Variants in RPGRIP1 observed in about 807,000 individuals in gnomAD.
The protein encoded by RPGRIP1 is RPGR interacting protein 1, also known as X-linked retinitis pigmentosa GTPase regulator-interacting protein 1.
Under a neutral mutation model 157.9 loss-of-function variants are expected in RPGRIP1, and 128 were observed. The ratio of observed to expected loss-of-function variants is 0.81; its 90% CI spans 0.70 to 0.94. The LOEUF is 0.94. RPGRIP1 is among the 40% of genes least tolerant of loss of function. The pLI is 0.00. For synonymous variants in RPGRIP1, 554 were observed against 571.6 expected (o/e 0.97, Z 0.44); for missense variants, 1,486 against 1,545.8 (o/e 0.96, Z 0.65).
At chr14:21,333,904 G>A (rs921828048) in intron 20 of RPGRIP1, among the ~76,000 whole-genome samples, 2 of 151,428 alleles carry the variant, frequency 1.3e-5, no homozygotes, top group East Asian at 1.9e-4. Context: ...GCTGAGATAG[G>A]AGAGACCATT....
At chr14:21,329,740 C>A (rs1883524774) in intron 19 of RPGRIP1, among the ~76,000 whole-genome samples, 1 of 151,212 alleles carries the variant, frequency 6.6e-6, no homozygotes, top group Non-Finnish European at 1.5e-5. Context: ...AGGTGATCCG[C>A]CTGCCTCAGC....
rs539083010 is a variant in RPGRIP1, at chr14:21,306,112, CTTTTTTTTTTTTTTTTTTTTTTTT to C, written c.801-1605_801-1582del. Among the ~76,000 whole-genome samples, 408 of 44,836 alleles carry C rather than the reference CTTTTTTTTTTTTTTTTTTTTTTTT, an allele frequency of 9.1e-3. 3 individuals carry two copies. Among genetic ancestry groups the C allele is most frequent in the African/African-American group, 0.034 (381 of 11,222 alleles). The allele number at this position is 44,836 out of a possible 152,430, so 29.4% of individuals were successfully genotyped here. A position where few individuals can be genotyped will look rare whatever the true frequency, so the allele number is the denominator to read the frequency against. On this transcript the variant is annotated intron_variant, in intron 6 of 24. Transcript: ENST00000400017. ...AGCTCCTAGGTTCAGGAATAATAGT[CTTTTTTTTTTTTTTTTTTTTTTTT>C]TTTTTTTTTTTTTGAGACAGAGTCT... is the stretch of plus-strand genomic sequence containing the variant.
At chr14:21,288,488 C>T (rs1475865441) in intron 2 of RPGRIP1, among the ~76,000 whole-genome samples, 2 of 149,484 alleles carry the variant, frequency 1.3e-5, no homozygotes, top group African/African-American at 4.9e-5. Flanking sequence ...GCCCTCTTCT[C>T]ACATTTTATT....
rs553663198 is a variant in RPGRIP1, at chr14:21,296,909, G to C, written c.218+2100G>C. Reference sequence around the variant, plus strand: ...AGAGGTTGCAGTGAGCCGAAATTGTGCCATTGCACTCCAGCCTGGGCGACA... The same window carrying C: ...AGAGGTTGCAGTGAGCCGAAATTGTCCCATTGCACTCCAGCCTGGGCGACA... On this transcript the variant is annotated intron_variant, in intron 3 of 24. Coordinates refer to ENST00000400017, the MANE Select transcript of RPGRIP1 (RefSeq NM_020366.4). 2.1e-4 allele frequency among the ~76,000 whole-genome samples: 32 copies of C among 149,558 alleles called. 1 individual carries two copies. The highest frequency in any genetic ancestry group is 7.9e-4 in the African/African-American group (32 of 40,594).
chr14:21,284,188 T>A (rs1880225407), intron 1 of RPGRIP1, among the ~76,000 whole-genome samples: 1 of 152,190 alleles, frequency 6.6e-6, no homozygotes, highest in Non-Finnish European at 1.5e-5. Context: ...GTGATAGAAT[T>A]TCTCCATTAT....
At chr14:21,301,787 A>G (rs1488270031) in intron 4 of RPGRIP1, among the ~76,000 whole-genome samples, 1 of 151,584 alleles carries the variant, frequency 6.6e-6, no homozygotes, top group East Asian at 1.9e-4. Context: ...CTGATGTGGG[A>G]GGATCGCTTG....
chr14:21,341,984 A>T (rs1885052125), intron 21 of RPGRIP1, among the ~76,000 whole-genome samples: 1 of 150,516 alleles, frequency 6.6e-6, no homozygotes, highest in South Asian at 2.1e-4. Context: ...CGGGAAGAAG[A>T]GCTTGCTGTG....
At chr14:21,330,514 A>C in intron 20 of RPGRIP1, 127 bp downstream of exon 20, 1 of 629,670 alleles carries the variant, frequency 1.6e-6, no homozygotes, top group Non-Finnish European at 2.3e-6. Flanking sequence ...AAAAATACAA[A>C]AATTAGCCGG....
intron 24 of RPGRIP1, among the ~76,000 whole-genome samples, chr14:21,349,662 C>T (rs1370182256): frequency 5.3e-5 from 8 of 151,978 alleles, no homozygotes; most frequent in Admixed American, 2.6e-4. Context: ...ACTCAGCCTC[C>T]CAAAGTGCTG....
intron 19 of RPGRIP1, among the ~76,000 whole-genome samples, chr14:21,329,509 T>A (rs1883492727): frequency 6.6e-6 from 1 of 151,082 alleles, no homozygotes; most frequent in Admixed American, 6.6e-5. Flanking sequence ...ACTCACTTTT[T>A]TTTTTTTTTT....
intron 6 of RPGRIP1, among the ~76,000 whole-genome samples, chr14:21,304,488 C>T (rs1407852371): frequency 6.6e-6 from 1 of 152,050 alleles, no homozygotes; most frequent in East Asian, 1.9e-4. Flanking sequence ...AGGATATTTG[C>T]TGCCTCACTA....
Position 21,301,071 on chromosome 14 carries a change from A to T in RPGRIP1, c.324A>T (p.Gly108=). The T allele has an allele frequency of 6.2e-7, 1 of 1,612,694 alleles. No homozygotes were observed. The highest frequency in any genetic ancestry group is 8.5e-7 in the Non-Finnish European group (1 of 1,179,444). Reference sequence around the variant, plus strand: ...CCGCAAGGCGCGGGCAGAAGGCGGGATGGCGGCAGCGCCTCTCCATGCACC... The same window carrying T: ...CCGCAAGGCGCGGGCAGAAGGCGGGTTGGCGGCAGCGCCTCTCCATGCACC... ...SETARRGQKA[G]WRQRLSMHQR... The change falls in exon 4 of 25, where the codon GGA becomes GGT. Residue 108 remains glycine, a synonymous_variant. Coordinates refer to ENST00000400017, the MANE Select transcript of RPGRIP1 (RefSeq NM_020366.4).
rs142155948 is a variant in RPGRIP1 at position 21,334,113 on chromosome 14, G to A, written c.3239-492G>A. ...AATTTTGCATTTTTAGTAGAGACGG[G>A]GCTTCACCATGTTGGCCAGGCTGGT... is the stretch of plus-strand genomic sequence containing the variant. On this transcript the variant is annotated intron_variant, in intron 20 of 24. Coordinates refer to ENST00000400017, the MANE Select transcript of RPGRIP1 (RefSeq NM_020366.4). Among the ~76,000 whole-genome samples the A allele has an allele frequency of 3.0e-3, 462 of 151,926 alleles. 5 individuals carry two copies. Among genetic ancestry groups the A allele is most frequent in the African/African-American group, 0.01 (426 of 41,400 alleles).
Position 21,324,771 on chromosome 14 carries a change from C to T in RPGRIP1, c.1916C>T (p.Ser639Phe). ...ELHIHQAFLT[S>F]AALAQAGDTQ... The stretch of plus-strand genomic sequence containing the variant: ...CACATCCACCAGGCCTTCCTGACAT[C>T]TGCCGCCCTAGCTCAGGCTGGAGAT... Residue 639 changes from serine (S) to phenylalanine (F), a missense_variant, in exon 15 of 25, where the codon TCT becomes TTT. By Grantham distance (155) the Ser-to-Phe change is radical (BLOSUM62 -2). Coordinates refer to ENST00000400017, the MANE Select transcript of RPGRIP1 (RefSeq NM_020366.4). 1 of 1,614,066 alleles carries T rather than the reference C, an allele frequency of 6.2e-7. No individual in the cohort carries two copies. Among genetic ancestry groups the T allele is most frequent in the Non-Finnish European group, 8.5e-7 (1 of 1,179,904 alleles).
At chr14:21,311,413 G>A (rs1023624520) in intron 8 of RPGRIP1, among the ~76,000 whole-genome samples, 2 of 152,124 alleles carry the variant, frequency 1.3e-5, no homozygotes, top group Non-Finnish European at 2.9e-5. Context: ...TTAGCTGGGC[G>A]TGGTGGCTCA....
Position 21,330,367 on chromosome 14 carries a change from A to G in RPGRIP1, c.3218A>G (p.Glu1073Gly), listed in dbSNP as rs1883610180. Residue 1073 changes from glutamate to glycine, a missense_variant, in exon 20 of 25, where the codon GAA becomes GGA. Physicochemically the swap from Glu to Gly is moderately conservative, Grantham distance 98. Coordinates refer to ENST00000400017, the MANE Select transcript of RPGRIP1 (RefSeq NM_020366.4). ...TLSHSALKQK[E>G]PLHPVNDKES... ...TCCCATTCAGCACTGAAACAGAAGG[A>G]ACCTCTACATCCTGTAAATGGTATT... 6.4e-7 allele frequency: 1 copy of G among 1,550,548 alleles called. No homozygotes were observed.
At position 21,334,744 on chromosome 14, in the gene RPGRIP1, C is replaced by T. The variant is rs112154308; in HGVS notation, c.3339+39C>T. 1,216 of 1,342,940 alleles carry T rather than the reference C, an allele frequency of 9.1e-4. 8 individuals carry two copies. In the African/African-American group the frequency reaches 9.3e-3, roughly 10 times the overall value. The allele number at this position is 1,342,940 out of a possible 1,614,324, so 83.2% of individuals were successfully genotyped here. ...AGTAATCATTGCATACGAGATAAGA[C>T]GATAAATAATGACAGTGGCCAGTCA... On this transcript the variant is annotated intron_variant, in intron 21 of 24. Transcript: ENST00000400017.
At chr14:21,322,096 C>T in intron 14 of RPGRIP1, 92 bp downstream of exon 14, 2 of 1,071,722 alleles carry the variant, frequency 1.9e-6, no homozygotes, top group Non-Finnish European at 2.7e-6. Context: ...AAGGGTGCCT[C>T]TCATACCCTT....
At chr14:21,304,389 G>A (rs142147200) in intron 6 of RPGRIP1, among the ~76,000 whole-genome samples, 20 of 121,030 alleles carry the variant, frequency 1.7e-4, no homozygotes, top group African/African-American at 4.0e-4. Context: ...GAAGGAGAGA[G>A]AGAAAGAAAG....
Sources: allele counts gnomAD v4.1 joint callset (sites outside exome capture counted in the v4.1 genomes callset), GRCh38; gene constraint gnomAD v4.1.1; transcripts MANE v1.5; gene names NCBI Gene and HGNC (gene_info 2026-07-23, HGNC 2026-07-21).